Variants in SLC12A5 observed in about 807,000 individuals in gnomAD.
SLC12A5 encodes K-Cl cotransporter 2.
SLC12A5 carries 18 observed loss-of-function variants against 124.0 expected under a neutral mutation model. That is an observed-to-expected ratio of 0.15 (90% CI 0.10 to 0.22). SLC12A5 has a LOEUF of 0.22. Ranked by LOEUF, SLC12A5 falls within the 10% of genes least tolerant of loss-of-function variation. The probability of loss-of-function intolerance (pLI) is 1.00; values close to 1 mark genes in which losing one functional copy is unlikely to be tolerated. For missense variants in SLC12A5, 867 were observed against 1,478.7 expected (o/e 0.59, Z 6.78); for synonymous variants, 589 against 568.0 (o/e 1.04, Z -0.53).
At chr20:46,021,909 C>T in intron 1 of SLC12A5, 1 of 1,500,570 alleles carries the variant, frequency 6.7e-7, no homozygotes, top group Admixed American at 2.1e-5. Context: ...GGGGGCGGGG[C>T]CTGCCAGGGC....
chr20:46,040,649 C>T (rs1475052162), intron 7 of SLC12A5, 35 bp downstream of exon 7: 21 of 1,607,046 alleles, frequency 1.3e-5, no homozygotes, highest in Middle Eastern at 1.7e-4. Flanking sequence ...AGGAATCGTC[C>T]TCCTACCTCC....
At chr20:46,023,554 A>G in exon 3 of SLC12A5, 1 of 397,914 alleles carries the variant, frequency 2.5e-6, no homozygotes, top group South Asian at 1.3e-4. Context: ...GCCCCCCATC[A>G]CTTGCAAAAT....
intron 16 of SLC12A5, 106 bp from the exon 17 acceptor site, chr20:46,049,516 A>G (rs2084628935): frequency 2.9e-6 from 4 of 1,397,766 alleles, no homozygotes; most frequent in Non-Finnish European, 3.9e-6. Context: ...TGGATGGGAC[A>G]GATGGTTATA....
intron 1 of SLC12A5, 40 bp downstream of exon 1, chr20:46,029,436 A>T: frequency 6.5e-7 from 1 of 1,541,186 alleles, no homozygotes; most frequent in Non-Finnish European, 8.8e-7. Context: ...GGGGGCAGCG[A>T]GGAGAGGAGG....
chr20:46,046,599 C>T (rs78363875), intron 14 of SLC12A5, among the ~76,000 whole-genome samples, 163 bp downstream of exon 14: 188 of 152,288 alleles, frequency 1.2e-3, no homozygotes, highest in African/African-American at 4.3e-3. Context: ...GGAAGGTCCC[C>T]GAGAGGGTCT....
intron 20 of SLC12A5, among the ~76,000 whole-genome samples, chr20:46,054,399 T>G (rs1822455172): frequency 6.6e-6 from 1 of 152,200 alleles, no homozygotes; most frequent in Non-Finnish European, 1.5e-5. Flanking sequence ...GAGGCAGGAT[T>G]CAAACCCAGG....
chr20:46,024,100 A>G (rs1408818276), downstream of SLC12A5, among the ~76,000 whole-genome samples: 1 of 151,192 alleles, frequency 6.6e-6, no homozygotes, highest in Non-Finnish European at 1.5e-5. Context: ...TTGGGTGTGC[A>G]GGTGTGTATG....
intron 14 of SLC12A5, among the ~76,000 whole-genome samples, chr20:46,046,777 A>T (rs998392783): frequency 1.3e-5 from 2 of 152,190 alleles, no homozygotes; most frequent in Non-Finnish European, 2.9e-5. Context: ...TCTTGGGCTG[A>T]TGATGTAGCT....
intron 11 of SLC12A5, among the ~76,000 whole-genome samples, chr20:46,044,362 G>A (rs1235137006): frequency 2.0e-5 from 3 of 152,178 alleles, no homozygotes; most frequent in Non-Finnish European, 4.4e-5. Flanking sequence ...AGTGCAGTCG[G>A]TAGGGGTGGC....
At chr20:46,033,311 G>A (rs1019665286) in intron 1 of SLC12A5, among the ~76,000 whole-genome samples, 1 of 152,148 alleles carries the variant, frequency 6.6e-6, no homozygotes, top group African/African-American at 2.4e-5. Context: ...CTTGGAATTT[G>A]ATCAGCGGGG....
intron 11 of SLC12A5, 127 bp from the exon 12 acceptor site, chr20:46,044,839 C>A: frequency 1.0e-6 from 1 of 995,030 alleles, no homozygotes; most frequent in Non-Finnish European, 1.5e-6. Flanking sequence ...GCTCTGCCTC[C>A]CCTGTCACCC....
intron 1 of SLC12A5, among the ~76,000 whole-genome samples, chr20:46,031,425 G>A (rs2145477566): frequency 6.6e-6 from 1 of 152,254 alleles, no homozygotes; most frequent in Middle Eastern, 3.4e-3. Flanking sequence ...GGTAGTAGGA[G>A]GTGCTAAGGA....
rs781288039 is a variant in SLC12A5, at chr20:46,035,911, C to T, written c.414C>T (p.Ile138=). The T allele has an allele frequency of 4.3e-6, 7 of 1,611,554 alleles. No homozygotes were observed. The East Asian group carries it at 1.6e-4, about 36-fold the overall frequency. The part of the protein sequence containing the change: ...GIMESFCMVF[I]CCSCTMLTAI... Reference sequence around the variant, plus strand: ...TGGAGTCCTTCTGCATGGTGTTCATCTGCTGCTCCTGTGTGAGTGACACCC... The same window carrying T: ...TGGAGTCCTTCTGCATGGTGTTCATTTGCTGCTCCTGTGTGAGTGACACCC... Residue 138 remains isoleucine, a synonymous_variant, in exon 4 of 26, where the codon ATC becomes ATT. Transcript: ENST00000243964.
In SLC12A5 at chr20:46,058,727, T is replaced by TA. The variant is rs1317232743; in HGVS notation, c.*1122_*1123insA. Reference sequence around the variant, plus strand: ...CGCCCCCTCCCCGGAGTTTCCTCCCTGGGACAAGTGAGGGAGGAGGGGGCC... The same window carrying TA: ...CGCCCCCTCCCCGGAGTTTCCTCCCTAGGGACAAGTGAGGGAGGAGGGGGCC... On this transcript the variant is annotated 3_prime_UTR_variant, in exon 26 of 26. Coordinates refer to ENST00000243964, the MANE Select transcript of SLC12A5 (RefSeq NM_020708.5). The surrounding 1 kb of genome is among the most constrained non-coding windows in gnomAD (Gnocchi z 5.8). The TA allele has an allele frequency of 7.5e-6, 3 of 398,870 alleles. No individual in the cohort carries two copies. Among genetic ancestry groups the TA allele is most frequent in the Admixed American group, 8.8e-5 (2 of 22,726 alleles). 24.7% of individuals were successfully genotyped at this position (398,870 alleles called of 1,614,324 possible).
At chr20:46,034,926 C>G in intron 1 of SLC12A5, 22 bp from the exon 2 acceptor site, 1 of 1,611,850 alleles carries the variant, frequency 6.2e-7, no homozygotes, top group Non-Finnish European at 8.5e-7. Context: ...GTTCCAGATC[C>G]CTGACCCCTC....
chr20:46,043,099 G>C, intron 8 of SLC12A5, 54 bp from the exon 9 acceptor site: 1 of 1,576,924 alleles, frequency 6.3e-7, no homozygotes, highest in Non-Finnish European at 8.6e-7. Flanking sequence ...CCTGGTCCCA[G>C]AGCTCTGGTC....
At chr20:46,027,840 T>C (rs931009498), upstream of SLC12A5, 3 of 152,160 alleles carry the variant, frequency 2.0e-5, no homozygotes, top group African/African-American at 7.2e-5. Context: ...CAGGCAGTCA[T>C]TTTCCCTCTA....
rs756143235 is a variant in SLC12A5, at chr20:46,036,733, C to T, written c.427-8C>T. 1 of 1,613,744 alleles carries T rather than the reference C, an allele frequency of 6.2e-7. No individual in the cohort carries two copies. Among genetic ancestry groups the T allele is most frequent in the Non-Finnish European group, 8.5e-7 (1 of 1,179,820 alleles). On this transcript the variant is annotated splice_polypyrimidine_tract_variant and splice_region_variant and intron_variant, in intron 4 of 25. Transcript: ENST00000243964. ...CAGCCACCGCTCTGATGATCTCTTTCCTCACAGACGATGCTCACGGCCATC... is the reference window on the plus strand; with the variant it reads ...CAGCCACCGCTCTGATGATCTCTTTTCTCACAGACGATGCTCACGGCCATC...
chr20:46,035,373 G>C (rs750253909), intron 2 of SLC12A5, 31 bp from the exon 3 acceptor site: 1 of 1,592,638 alleles, frequency 6.3e-7, no homozygotes, highest in Non-Finnish European at 8.6e-7. Context: ...TGCTCCCCCA[G>C]CCTCCTAGCA....
Sources: allele counts gnomAD v4.1 joint callset (sites outside exome capture counted in the v4.1 genomes callset), GRCh38; gene constraint gnomAD v4.1.1; non-coding constraint Gnocchi (gnomAD v3.1); transcripts MANE v1.5; gene names NCBI Gene and HGNC (gene_info 2026-07-23, HGNC 2026-07-21).